Variants in TRHDE observed in about 807,000 individuals in gnomAD.
The protein encoded by TRHDE is thyrotropin-releasing hormone-degrading ectoenzyme.
In TRHDE, 72 loss-of-function variants were observed where a neutral mutation model predicts 125.7. The ratio of observed to expected loss-of-function variants is 0.57; its 90% CI spans 0.47 to 0.70. The LOEUF (loss-of-function observed/expected upper bound fraction) is 0.70, where lower values mean the gene tolerates loss of function less well. Among genes scored for constraint, TRHDE ranks in the 30% least tolerant of loss-of-function variants. The probability of loss-of-function intolerance (pLI) is 0.00; values close to 1 mark genes in which losing one functional copy is unlikely to be tolerated. For synonymous variants in TRHDE, 509 were observed against 509.1 expected (o/e 1.00, Z 0.00); for missense variants, 1,110 against 1,327.1 (o/e 0.84, Z 2.54).
At chr12:72,460,300 G>T (rs1471846185) in intron 3 of TRHDE, among the ~76,000 whole-genome samples, 2 of 152,150 alleles carry the variant, frequency 1.3e-5, no homozygotes, top group Non-Finnish European at 2.9e-5. Flanking sequence ...GGGTAGAGAG[G>T]ATCAGTAATG....
chr12:72,413,048 A>C (rs1356928637), intron 3 of TRHDE, among the ~76,000 whole-genome samples: 1 of 151,902 alleles, frequency 6.6e-6, no homozygotes, highest in Non-Finnish European at 1.5e-5. Context: ...ATTATTTGGG[A>C]GGTTGCAACA....
At chr12:72,092,086 C>T (rs1874805038) in intron 1 of TRHDE, among the ~76,000 whole-genome samples, 1 of 152,214 alleles carries the variant, frequency 6.6e-6, no homozygotes, top group South Asian at 2.1e-4. Context: ...ATGGTCTCAA[C>T]TAGCAGCAGT....
At chr12:72,329,515 G>T (rs1832571124) in intron 2 of TRHDE, among the ~76,000 whole-genome samples, 1 of 152,088 alleles carries the variant, frequency 6.6e-6, no homozygotes, top group African/African-American at 2.4e-5. Flanking sequence ...TTTAAAGTGG[G>T]TGTTGTATAA....
chr12:72,476,774 A>G (rs1876914605), intron 5 of TRHDE, among the ~76,000 whole-genome samples: 1 of 152,210 alleles, frequency 6.6e-6, no homozygotes, highest in South Asian at 2.1e-4. Flanking sequence ...GCCTAGAATT[A>G]CATAGTATTG....
chr12:72,484,742 G>A lies in TRHDE; in HGVS notation c.1584+11562G>A, dbSNP rs755381495. 2.6e-5 allele frequency among the ~76,000 whole-genome samples: 4 copies of A among 152,250 alleles called. No individual in the cohort carries two copies. The South Asian group carries it at 6.2e-4, about 24-fold the overall frequency. Reference sequence around the variant, plus strand: ...AACTATGTTGGATAAATGTTTTGAGGAAACAGGAAAAGGTGGCAACAAATC... The same window carrying A: ...AACTATGTTGGATAAATGTTTTGAGAAAACAGGAAAAGGTGGCAACAAATC... On this transcript the variant is annotated intron_variant, in intron 5 of 18. Transcript: ENST00000261180.
chr12:72,495,060 GTTTTTTTTTTTTTTT>G (rs751243542), intron 5 of TRHDE, among the ~76,000 whole-genome samples: 4 of 58,392 alleles, frequency 6.9e-5, no homozygotes, highest in Non-Finnish European at 1.2e-4. Flanking sequence ...TTCCTCCCCC[GTTTTTTTTTTTTTTT>G]TTTTTTTTTT....
At chr12:72,497,645 T>C (rs1230092498) in intron 5 of TRHDE, among the ~76,000 whole-genome samples, 1 of 152,136 alleles carries the variant, frequency 6.6e-6, no homozygotes, top group Non-Finnish European at 1.5e-5. Context: ...TCATTATTTT[T>C]CCCATTAATT....
rs144560604 is a variant in TRHDE, at chr12:72,096,134, T to TACACACACACACACACACAC, written n.174+8709_174+8728dup. On this transcript the variant is annotated intron_variant and non_coding_transcript_variant, in intron 1 of 4. Transcript: ENST00000548156. ...TAAGATAAATCTTTTCTTATGTGTA[T>TACACACACACACACACACAC]ACACACACACACACACACACACACA... is the stretch of plus-strand genomic sequence containing the variant. 3.2e-3 allele frequency among the ~76,000 whole-genome samples: 460 copies of TACACACACACACACACACAC among 145,172 alleles called. 2 individuals carry two copies. The highest frequency in any genetic ancestry group is 0.012 in the East Asian group (60 of 4,878).
intron 12 of TRHDE, among the ~76,000 whole-genome samples, chr12:72,603,300 C>G (rs1872282013): frequency 6.6e-6 from 1 of 151,938 alleles, no homozygotes; most frequent in Non-Finnish European, 1.5e-5. Flanking sequence ...AGTGATGTAA[C>G]AAGAGGTATC....
intron 5 of TRHDE, among the ~76,000 whole-genome samples, chr12:72,480,378 C>T (rs1376149417): frequency 6.6e-6 from 1 of 151,982 alleles, no homozygotes; most frequent in Non-Finnish European, 1.5e-5. Flanking sequence ...GATGGTATCT[C>T]ATTGTGGTTT....
chr12:72,488,723 A>G (rs1286228321), intron 5 of TRHDE, among the ~76,000 whole-genome samples: 1 of 151,962 alleles, frequency 6.6e-6, no homozygotes, highest in Non-Finnish European at 1.5e-5. Flanking sequence ...GGACACATGG[A>G]ACATTGTTCA....
rs546477993 is a variant in TRHDE at position 72,454,341 on chromosome 12, AT to A, written c.1316-15413del. Among the ~76,000 whole-genome samples, 3 of 152,114 alleles carry A rather than the reference AT, an allele frequency of 2.0e-5. No homozygotes were observed. In the South Asian group the frequency reaches 6.2e-4, roughly 32 times the overall value. ...AGGAATCTTTTTAAGCTGTCTATTT[AT>A]TTTGTGAAGATTGTTTAAACTAATA... is the stretch of plus-strand genomic sequence containing the variant. On this transcript the variant is annotated intron_variant, in intron 3 of 18. Transcript: ENST00000261180.
intron 6 of TRHDE, among the ~76,000 whole-genome samples, chr12:72,530,774 CAT>C (rs1472686334): frequency 1.3e-5 from 2 of 152,110 alleles, no homozygotes; most frequent in East Asian, 3.9e-4. Flanking sequence ...TCTTACCTAA[CAT>C]ATGAGAGCCT....
At chr12:72,567,392 A>T (rs1870499040) in intron 9 of TRHDE, among the ~76,000 whole-genome samples, 1 of 151,876 alleles carries the variant, frequency 6.6e-6, no homozygotes, top group Non-Finnish European at 1.5e-5. Context: ...CATACTGGAG[A>T]TAGGATTGGT....
intron 1 of TRHDE, among the ~76,000 whole-genome samples, chr12:72,093,571 C>G (rs1050992432): frequency 1.3e-5 from 2 of 151,908 alleles, no homozygotes; most frequent in Non-Finnish European, 2.9e-5. Context: ...TTTTTGAGTT[C>G]TTAATTCTTT....
intron 1 of TRHDE, among the ~76,000 whole-genome samples, chr12:72,284,623 C>T (rs10506650): frequency 0.55 from 84,295 of 152,038 alleles, 26,903 homozygotes; most frequent in East Asian, 0.8. Context: ...TGAATTAAGA[C>T]GTTTATAAAT....
intron 2 of TRHDE, among the ~76,000 whole-genome samples, chr12:72,143,140 T>G (rs1302974862): frequency 6.6e-6 from 1 of 152,142 alleles, no homozygotes; most frequent in Admixed American, 6.5e-5. Flanking sequence ...GACACTACTG[T>G]GGGGCTGAGA....
At chr12:72,181,034 G>A (rs1256188926) in intron 2 of TRHDE, among the ~76,000 whole-genome samples, 1 of 152,154 alleles carries the variant, frequency 6.6e-6, no homozygotes, top group Non-Finnish European at 1.5e-5. Context: ...CTGTATGAAG[G>A]TACCTGATTC....
At chr12:72,540,910 A>G (rs1026792365) in intron 6 of TRHDE, among the ~76,000 whole-genome samples, 1 of 151,662 alleles carries the variant, frequency 6.6e-6, no homozygotes, top group South Asian at 2.1e-4. Context: ...TAAAATACTG[A>G]CTTGGGAGCA....
Sources: allele counts gnomAD v4.1 joint callset (sites outside exome capture counted in the v4.1 genomes callset), GRCh38; gene constraint gnomAD v4.1.1; transcripts MANE v1.5; gene names NCBI Gene and HGNC (gene_info 2026-07-23, HGNC 2026-07-21).